Variants in NRG3 observed in about 807,000 individuals in gnomAD.
NRG3 encodes the protein pro-neuregulin-3, membrane-bound isoform.
Under a neutral mutation model 66.9 loss-of-function variants are expected in NRG3, and 31 were observed. The observed-to-expected ratio is 0.46, with a 90% CI of 0.35 to 0.63. The LOEUF is 0.63. Ranked by LOEUF, NRG3 falls within the 20% of genes least tolerant of loss-of-function variation. The pLI is 0.00. For synonymous variants in NRG3, 393 were observed against 359.4 expected (o/e 1.09, Z -1.06); for missense variants, 910 against 878.9 (o/e 1.04, Z -0.45).
At chr10:82,137,472 C>T (rs1323091345) in intron 1 of NRG3, among the ~76,000 whole-genome samples, 1 of 152,102 alleles carries the variant, frequency 6.6e-6, no homozygotes, top group Non-Finnish European at 1.5e-5. Context: ...TAAGCCACCC[C>T]ATCATGAAAA....
intron 2 of NRG3, among the ~76,000 whole-genome samples, chr10:82,544,965 G>A (rs1167014453): frequency 6.6e-6 from 1 of 152,144 alleles, no homozygotes; most frequent in Non-Finnish European, 1.5e-5. Context: ...AGCAATCGAG[G>A]ACTGTATTTC....
chr10:82,147,578 A>G (rs565630291), intron 1 of NRG3, among the ~76,000 whole-genome samples: 43 of 152,312 alleles, frequency 2.8e-4, no homozygotes, highest in African/African-American at 9.9e-4. Flanking sequence ...CTTCTTATTA[A>G]AGCTTATGAG....
intron 3 of NRG3, among the ~76,000 whole-genome samples, chr10:82,814,800 T>G (rs982724189): frequency 6.6e-6 from 1 of 152,202 alleles, no homozygotes. Context: ...CCTGTATGAG[T>G]CATAGTGAAC....
At chr10:82,412,128 G>GA (rs990647576) in intron 2 of NRG3, among the ~76,000 whole-genome samples, 7 of 151,944 alleles carry the variant, frequency 4.6e-5, no homozygotes, top group Non-Finnish European at 7.4e-5. Flanking sequence ...GTTATAGTAA[G>GA]AAAAAAAACT....
chr10:82,009,254 C>T (rs540614105), intron 1 of NRG3, among the ~76,000 whole-genome samples: 5 of 152,230 alleles, frequency 3.3e-5, no homozygotes, highest in South Asian at 2.1e-4. Flanking sequence ...CTTCCATAAG[C>T]GTAAGAAAAC....
At chr10:82,283,886 G>C (rs1447266829) in intron 1 of NRG3, among the ~76,000 whole-genome samples, 1 of 152,124 alleles carries the variant, frequency 6.6e-6, no homozygotes, top group Non-Finnish European at 1.5e-5. Flanking sequence ...TTTCAGGAAA[G>C]GTTTCTTGAA....
intron 2 of NRG3, among the ~76,000 whole-genome samples, chr10:82,670,822 G>A (rs1204272382): frequency 6.6e-6 from 1 of 152,164 alleles, no homozygotes; most frequent in Non-Finnish European, 1.5e-5. Flanking sequence ...CTCCTTTTGT[G>A]TTCTTTTTAG....
intron 2 of NRG3, among the ~76,000 whole-genome samples, chr10:82,656,323 T>TG (rs1241996692): frequency 1.3e-5 from 2 of 150,472 alleles, no homozygotes; most frequent in Non-Finnish European, 3.0e-5. Flanking sequence ...TTTTTTTTTT[T>TG]TGGTAGTAAC....
At chr10:82,745,722 A>C (rs2058613540) in intron 3 of NRG3, among the ~76,000 whole-genome samples, 1 of 152,146 alleles carries the variant, frequency 6.6e-6, no homozygotes, top group Non-Finnish European at 1.5e-5. Flanking sequence ...TTTACCAATC[A>C]TGTATGCAAA....
chr10:82,865,598 C>A (rs1840637124), intron 4 of NRG3, among the ~76,000 whole-genome samples, 161 bp downstream of exon 4: 1 of 152,068 alleles, frequency 6.6e-6, no homozygotes, highest in East Asian at 1.9e-4. Flanking sequence ...AGTAATGGCT[C>A]AAAATGAAAT....
chr10:82,964,276 G>T (rs920641250), intron 6 of NRG3, among the ~76,000 whole-genome samples: 10 of 152,104 alleles, frequency 6.6e-5, no homozygotes, highest in African/African-American at 2.4e-4. Context: ...GCTCTCATCT[G>T]TGCCAAGGCC....
At chr10:82,800,209 A>C (rs934811373) in intron 3 of NRG3, among the ~76,000 whole-genome samples, 1 of 152,232 alleles carries the variant, frequency 6.6e-6, no homozygotes, top group African/African-American at 2.4e-5. Flanking sequence ...TCTGAAAATC[A>C]AGTTAACATT....
intron 1 of NRG3, chr10:82,230,322 A>G (rs1322664660): frequency 6.6e-6 from 1 of 152,142 alleles, no homozygotes; most frequent in African/African-American, 2.4e-5. Flanking sequence ...TTCAGAAACC[A>G]CCAATATAGA....
chr10:82,310,751 C>T (rs578107721), intron 1 of NRG3, among the ~76,000 whole-genome samples: 2 of 152,154 alleles, frequency 1.3e-5, no homozygotes, highest in Middle Eastern at 3.4e-3. Context: ...GATAGTTGTT[C>T]ATTCTTTGAG....
chr10:81,911,363 C>T (rs1845127487), intron 1 of NRG3, among the ~76,000 whole-genome samples: 1 of 152,116 alleles, frequency 6.6e-6, no homozygotes, highest in Admixed American at 6.5e-5. Context: ...CCTAGGAGAT[C>T]ACCAAGAACC....
chr10:82,393,225 C>T (rs1273987141), intron 2 of NRG3, among the ~76,000 whole-genome samples: 6 of 152,048 alleles, frequency 3.9e-5, no homozygotes, highest in Admixed American at 3.9e-4. Context: ...TAGAAGACCC[C>T]TCAGAAGTAA....
At chr10:82,975,007 A>G (rs1406135678) in intron 7 of NRG3, among the ~76,000 whole-genome samples, 3 of 152,232 alleles carry the variant, frequency 2.0e-5, no homozygotes, top group South Asian at 4.1e-4. Context: ...AGAGTTTGCC[A>G]TTTAAAAGAA....
intron 1 of NRG3, among the ~76,000 whole-genome samples, chr10:82,203,354 C>T (rs2074945735): frequency 1.3e-5 from 2 of 152,114 alleles, no homozygotes. Context: ...AACACGCCTC[C>T]TAGTACTTGA....
chr10:82,277,350 A>G (rs896633531), intron 1 of NRG3, among the ~76,000 whole-genome samples: 7 of 152,094 alleles, frequency 4.6e-5, no homozygotes, highest in African/African-American at 1.7e-4. Flanking sequence ...AGTTCAGATA[A>G]TTCTCTTCCA....
Sources: gnomAD v4.1 joint callset for allele counts (sites outside exome capture counted in the v4.1 genomes callset) on GRCh38, gnomAD v4.1.1 for gene constraint, MANE v1.5 for transcripts, NCBI Gene and HGNC (gene_info 2026-07-23, HGNC 2026-07-21) for gene names.